Variants in EYA4 observed in about 807,000 individuals in gnomAD.
EYA4 encodes the protein EYA transcriptional coactivator and phosphatase 4, also known as protein phosphatase EYA4.
Under a neutral mutation model 87.9 loss-of-function variants are expected in EYA4, and 31 were observed. The observed-to-expected ratio is 0.35, with a 90% CI of 0.27 to 0.48. EYA4 has a LOEUF of 0.48. Among genes scored for constraint, EYA4 ranks in the 20% least tolerant of loss-of-function variants. The pLI is 0.99. For synonymous variants in EYA4, 263 were observed against 270.6 expected, an observed-to-expected ratio of 0.97 and a Z score of 0.28; for missense variants, 678 against 761.4, an observed-to-expected ratio of 0.89 and a Z score of 1.29.
chr6:133,506,116 T>C lies in EYA4; in HGVS notation c.1202T>C (p.Met401Thr), dbSNP rs746399669. 7 of 1,599,122 alleles carry C rather than the reference T, an allele frequency of 4.4e-6. No homozygotes were observed. The South Asian group carries it at 5.5e-5, about 13-fold the overall frequency. ...YAQKYGKDPP[M>T]AVTLGLRMEE... The stretch of plus-strand genomic sequence containing the variant: ...ACATTTTCTTTACAGGATCCCCCCA[T>C]GGCTGTAACCCTTGGACTCCGCATG... The change falls in exon 14 of 20, where the codon ATG (methionine) becomes ACG (threonine). Residue 401 changes from methionine (M) to threonine (T), a missense_variant. Coordinates refer to ENST00000355286, the MANE Select transcript of EYA4 (RefSeq NM_004100.5).
chr6:133,523,377 G>A (rs999821891), intron 18 of EYA4, among the ~76,000 whole-genome samples, 200 bp downstream of exon 18: 9 of 152,138 alleles, frequency 5.9e-5, no homozygotes, highest in Non-Finnish European at 1.0e-4. Flanking sequence ...CAGTATCTGA[G>A]TATAGATATT....
Position 133,481,497 on chromosome 6 carries a change from C to T in EYA4, c.1005C>T (p.Pro335=). 1 of 1,613,860 alleles carries T rather than the reference C, an allele frequency of 6.2e-7. No individual in the cohort carries two copies. The highest frequency in any genetic ancestry group is 8.5e-7 in the Non-Finnish European group (1 of 1,179,864). Residue 335 remains proline (P), a synonymous_variant, in exon 12 of 20, where the codon CCC becomes CCT. Coordinates refer to ENST00000355286, the MANE Select transcript of EYA4 (RefSeq NM_004100.5). ...EFDTMQSPST[P]IKDLDERTCR... Reference sequence around the variant, plus strand: ...ATACCATGCAGAGTCCCTCCACACCCATCAAAGATCTTGATGAGAGAACCT... The same window carrying T: ...ATACCATGCAGAGTCCCTCCACACCTATCAAAGATCTTGATGAGAGAACCT...
rs542055119 is a variant in EYA4, at chr6:133,295,003, G to T, written c.33+20190G>T. On this transcript the variant is annotated intron_variant, in intron 2 of 19. Transcript: ENST00000355286. ...TGCTCTAGTGTAATATAGCTAAATT[G>T]CTAGACTCTGAATTAATATCAATAA... Among the ~76,000 whole-genome samples the T allele has an allele frequency of 1.1e-3, 174 of 152,220 alleles. 1 individual carries two copies. Among genetic ancestry groups the T allele is most frequent in the African/African-American group, 3.9e-3 (162 of 41,540 alleles).
chr6:133,525,277 G>A (rs762262745), intron 19 of EYA4, 23 bp downstream of exon 19: 91 of 1,578,158 alleles, frequency 5.8e-5, no homozygotes, highest in Non-Finnish European at 7.4e-5. Flanking sequence ...AAACAATGTC[G>A]GTGTGATACT....
At chr6:133,463,672 T>G (rs1227701878) in intron 9 of EYA4, among the ~76,000 whole-genome samples, 1 of 152,168 alleles carries the variant, frequency 6.6e-6, no homozygotes, top group South Asian at 2.1e-4. Context: ...TGTTTTATCT[T>G]AATGCAATAG....
At chr6:133,464,185 A>G (rs1295895991) in intron 9 of EYA4, among the ~76,000 whole-genome samples, 1 of 152,116 alleles carries the variant, frequency 6.6e-6, no homozygotes, top group African/African-American at 2.4e-5. Flanking sequence ...TTGAGAAATC[A>G]TTAAATTTCA....
chr6:133,264,102 C>T (rs562246807), intron 1 of EYA4, among the ~76,000 whole-genome samples: 3 of 152,320 alleles, frequency 2.0e-5, no homozygotes, highest in South Asian at 2.1e-4. Flanking sequence ...GTACAGGTCC[C>T]GGGCTCTGGC....
chr6:133,338,255 C>A (rs1349808222), intron 2 of EYA4, among the ~76,000 whole-genome samples: 1 of 152,004 alleles, frequency 6.6e-6, no homozygotes, highest in Non-Finnish European at 1.5e-5. Context: ...AAAAAAAGGT[C>A]ACTCAATTTA....
intron 2 of EYA4, among the ~76,000 whole-genome samples, chr6:133,277,393 G>A (rs1166435592): frequency 2.0e-5 from 3 of 152,116 alleles, no homozygotes; most frequent in African/African-American, 7.2e-5. Flanking sequence ...CAACATAATA[G>A]GTAGTTAAGG....
At chr6:133,254,238 C>G (rs977615593) in intron 1 of EYA4, among the ~76,000 whole-genome samples, 8 of 152,160 alleles carry the variant, frequency 5.3e-5, no homozygotes, top group Admixed American at 4.6e-4. Context: ...AGACCTTGAT[C>G]TCTTTGGTTG....
intron 13 of EYA4, 156 bp from the exon 14 acceptor site, chr6:133,505,950 A>T (rs887619550): frequency 3.2e-6 from 2 of 634,694 alleles, no homozygotes; most frequent in African/African-American, 3.7e-5. Flanking sequence ...CCTTCTGGAA[A>T]GTCACCTTTT....
At chr6:133,265,287 G>A (rs7745129) in intron 1 of EYA4, among the ~76,000 whole-genome samples, 91,706 of 151,196 alleles carry the variant, frequency 0.61, 28,866 homozygotes, top group African/African-American at 0.76. Flanking sequence ...GGTTTTTGCT[G>A]TTACTTTCAG....
chr6:133,481,575 C>A lies in EYA4; in HGVS notation c.1083C>A (p.Ser361=). 1 of 1,613,972 alleles carries A rather than the reference C, an allele frequency of 6.2e-7. No homozygotes were observed. Among genetic ancestry groups the A allele is most frequent in the Non-Finnish European group, 8.5e-7 (1 of 1,179,932 alleles). Residue 361 remains serine (S), a synonymous_variant, in exon 12 of 20, where the codon TCC becomes TCA. Transcript: ENST00000355286. ...GAAGAGGCCGGAAAAATAATCCCTC[C>A]CCGCCTCCTGATAGTGACCTGGAGG... The part of the protein sequence containing the change: ...SRGRGRKNNP[S]PPPDSDLERV...
intron 2 of EYA4, among the ~76,000 whole-genome samples, chr6:133,280,472 C>T (rs1404633470): frequency 6.6e-6 from 1 of 152,070 alleles, no homozygotes. Flanking sequence ...TCTCGGCTCA[C>T]TGCAACCTCC....
At chr6:133,380,760 A>G (rs1175883776) in intron 2 of EYA4, among the ~76,000 whole-genome samples, 1 of 151,876 alleles carries the variant, frequency 6.6e-6, no homozygotes, top group Non-Finnish European at 1.5e-5. Context: ...TTTGGAGTTA[A>G]TTTTATGTTT....
intron 2 of EYA4, among the ~76,000 whole-genome samples, chr6:133,361,677 C>T (rs1432501046): frequency 6.6e-6 from 1 of 152,062 alleles, no homozygotes; most frequent in African/African-American, 2.4e-5. Flanking sequence ...ACCTCCTGGG[C>T]CAATTGATGA....
intron 9 of EYA4, among the ~76,000 whole-genome samples, chr6:133,463,390 C>T (rs1043915685): frequency 1.3e-4 from 17 of 134,148 alleles, no homozygotes; most frequent in East Asian, 1.1e-3. Context: ...GATGCAGTCT[C>T]GCTCTGTTGC....
At chr6:133,420,389 A>T (rs773946204) in intron 3 of EYA4, among the ~76,000 whole-genome samples, 9 of 152,224 alleles carry the variant, frequency 5.9e-5, no homozygotes, top group Non-Finnish European at 1.3e-4. Flanking sequence ...ATTTGCATAC[A>T]ACTTACAATT....
chr6:133,412,700 T>A (rs942155148), intron 3 of EYA4, among the ~76,000 whole-genome samples: 4 of 152,236 alleles, frequency 2.6e-5, no homozygotes, highest in African/African-American at 4.8e-5. Flanking sequence ...CTCTGAATGA[T>A]CTTTGCTTGT....
Sources: allele counts gnomAD v4.1 joint callset (sites outside exome capture counted in the v4.1 genomes callset), GRCh38; gene constraint gnomAD v4.1.1; transcripts MANE v1.5; gene names NCBI Gene and HGNC (gene_info 2026-07-23, HGNC 2026-07-21).